The following MYO1D variants were observed in gnomAD, a reference collection of about 807,000 sequenced individuals.
The protein encoded by MYO1D is unconventional myosin-Id.
Under a neutral mutation model 122.0 loss-of-function variants are expected in MYO1D, and 83 were observed. That is an observed-to-expected ratio of 0.68 (90% CI 0.57 to 0.82). The LOEUF (loss-of-function observed/expected upper bound fraction) is 0.82, where lower values mean the gene tolerates loss of function less well. MYO1D is among the 40% of genes least tolerant of loss of function. The probability of loss-of-function intolerance (pLI) is 0.00; values close to 1 mark genes in which losing one functional copy is unlikely to be tolerated. For synonymous variants in MYO1D, 464 were observed against 446.9 expected (o/e 1.04, Z -0.48); for missense variants, 1,157 against 1,269.5 (o/e 0.91, Z 1.35).
chr17:32,670,281 G>C (rs2088696186), intron 16 of MYO1D, among the ~76,000 whole-genome samples: 2 of 152,110 alleles, frequency 1.3e-5, no homozygotes, highest in African/African-American at 4.8e-5. Flanking sequence ...TTATACTATA[G>C]TTACAGAAGA....
chr17:32,833,364 C>A (rs1317223216), intron 1 of MYO1D, among the ~76,000 whole-genome samples: 1 of 152,176 alleles, frequency 6.6e-6, no homozygotes, highest in Non-Finnish European at 1.5e-5. Context: ...CTCTTCAAAG[C>A]ATATCTAGAG....
chr17:32,864,007 C>CTT lies in MYO1D; in HGVS notation c.95+12769_95+12770dup, dbSNP rs560953120. On this transcript the variant is annotated intron_variant, in intron 1 of 21. Transcript: ENST00000318217. ...TAATTTTGGTTACAAACATTTCTTCCTTTTTTTTTTTTTTTTTTTTTTTTT... is the reference window on the plus strand; with the variant it reads ...TAATTTTGGTTACAAACATTTCTTCCTTTTTTTTTTTTTTTTTTTTTTTTTTT... 6.7e-3 allele frequency among the ~76,000 whole-genome samples: 327 copies of CTT among 48,882 alleles called. 42 individuals carry two copies. The highest frequency in any genetic ancestry group is 0.01 in the African/African-American group (97 of 9,606). The allele number at this position is 48,882 out of a possible 152,430, so 32.1% of individuals were successfully genotyped here. A position where few individuals can be genotyped will look rare whatever the true frequency, so the allele number is the denominator to read the frequency against.
intron 1 of MYO1D, among the ~76,000 whole-genome samples, chr17:32,846,625 T>C (rs928933801): frequency 7.9e-5 from 12 of 152,136 alleles, no homozygotes; most frequent in African/African-American, 2.9e-4. Flanking sequence ...ATTATCTAAG[T>C]AGACTTTGTG....
intron 21 of MYO1D, among the ~76,000 whole-genome samples, chr17:32,538,282 CTTTT>C (rs67908958): frequency 7.0e-6 from 1 of 141,976 alleles, no homozygotes. Flanking sequence ...AATAAATCAT[CTTTT>C]TTTTTTTTTT....
At chr17:32,857,078 C>T (rs889193190) in intron 1 of MYO1D, among the ~76,000 whole-genome samples, 3 of 152,196 alleles carry the variant, frequency 2.0e-5, no homozygotes, top group Admixed American at 2.0e-4. Flanking sequence ...GCAAAGCCAT[C>T]TTCTTTCTCT....
chr17:32,732,725 T>C (rs577011426), intron 14 of MYO1D, among the ~76,000 whole-genome samples: 66 of 152,210 alleles, frequency 4.3e-4, no homozygotes, highest in Non-Finnish European at 8.2e-4. Context: ...ATCCACTGAA[T>C]GGCAGGGCTA....
intron 19 of MYO1D, among the ~76,000 whole-genome samples, chr17:32,640,491 A>G (rs1319830228): frequency 1.9e-5 from 2 of 103,774 alleles, no homozygotes; most frequent in African/African-American, 7.6e-5. Context: ...CCACCCCACA[A>G]CAGTCCCCAG....
chr17:32,756,980 G>C (rs1160573742), intron 10 of MYO1D, among the ~76,000 whole-genome samples: 1 of 152,054 alleles, frequency 6.6e-6, no homozygotes, highest in Admixed American at 6.6e-5. Flanking sequence ...TCTCAAAGAG[G>C]GGCAGCTTAT....
chr17:32,591,939 T>A (rs1597915997), intron 21 of MYO1D, among the ~76,000 whole-genome samples: 2 of 152,224 alleles, frequency 1.3e-5, no homozygotes, highest in Admixed American at 6.5e-5. Flanking sequence ...GGACCCCTGA[T>A]AAAGAAAGAC....
At chr17:32,512,187 C>A (rs1223491448) in intron 21 of MYO1D, among the ~76,000 whole-genome samples, 1 of 151,982 alleles carries the variant, frequency 6.6e-6, no homozygotes, top group Non-Finnish European at 1.5e-5. Context: ...GTAATCCCAG[C>A]TACTTGGGAG....
At chr17:32,843,535 A>T (rs1003494137) in intron 1 of MYO1D, among the ~76,000 whole-genome samples, 3 of 152,212 alleles carry the variant, frequency 2.0e-5, no homozygotes, top group African/African-American at 7.2e-5. Context: ...ATCATCATGT[A>T]TTCTATCTGG....
intron 21 of MYO1D, among the ~76,000 whole-genome samples, chr17:32,508,117 G>A (rs1567870501): frequency 6.6e-6 from 1 of 151,714 alleles, no homozygotes; most frequent in Non-Finnish European, 1.5e-5. Context: ...GGCTGGTCTT[G>A]AACTCCTGAC....
chr17:32,875,886 CTTACT>C (rs1366079145), intron 1 of MYO1D, among the ~76,000 whole-genome samples: 2 of 152,210 alleles, frequency 1.3e-5, no homozygotes, highest in African/African-American at 4.8e-5. Flanking sequence ...TGAAATTCCA[CTTACT>C]TTAATGTTTA....
In MYO1D at chr17:32,605,178, T is replaced by C; in HGVS notation, c.2773A>G (p.Lys925Glu). 2 of 1,610,166 alleles carry C rather than the reference T, an allele frequency of 1.2e-6. No individual in the cohort carries two copies. Among genetic ancestry groups the C allele is most frequent in the Non-Finnish European group, 8.5e-7 (1 of 1,176,928 alleles). Residue 925 changes from lysine to glutamate, a missense_variant, in exon 21 of 22, where the codon AAA becomes GAA. Coordinates refer to ENST00000318217, the MANE Select transcript of MYO1D (RefSeq NM_015194.3). ...CTGAAGAGGCAGACAATGAGGTCTT[T>C]GTTGTCTTTCGTATGGAACACTACA... is the stretch of plus-strand genomic sequence containing the variant. ...QLVVFHTKDN[K>E]DLIVCLFSKQ... is the part of the protein sequence containing the mutation.
intron 14 of MYO1D, among the ~76,000 whole-genome samples, chr17:32,734,243 C>CT (rs199779621): frequency 2.0e-5 from 3 of 151,412 alleles, no homozygotes; most frequent in Admixed American, 6.6e-5. Context: ...ATTTTGATAA[C>CT]TTTTTTTTTC....
intron 2 of MYO1D, 51 bp from the exon 3 acceptor site, chr17:32,778,624 A>T (rs1422814171): frequency 6.9e-7 from 1 of 1,457,224 alleles, no homozygotes; most frequent in Non-Finnish European, 9.6e-7. Flanking sequence ...AACCAAGAGT[A>T]AGCTAATTTT....
chr17:32,753,094 TAA>T (rs991851994), intron 11 of MYO1D, among the ~76,000 whole-genome samples: 1 of 152,118 alleles, frequency 6.6e-6, no homozygotes, highest in African/African-American at 2.4e-5. Flanking sequence ...TATGCAGCCA[TAA>T]AAAAGAATGA....
At chr17:32,805,779 T>C (rs1444463234) in intron 1 of MYO1D, among the ~76,000 whole-genome samples, 1 of 152,164 alleles carries the variant, frequency 6.6e-6, no homozygotes, top group African/African-American at 2.4e-5. Flanking sequence ...TGCTCTTGGA[T>C]CTGAATTCTG....
intron 16 of MYO1D, among the ~76,000 whole-genome samples, chr17:32,701,186 T>C (rs981247964): frequency 2.0e-5 from 3 of 152,176 alleles, no homozygotes; most frequent in Non-Finnish European, 2.9e-5. Flanking sequence ...AGAATCTGAA[T>C]GATTTTCTAG....
Sources: allele counts gnomAD v4.1 joint callset (sites outside exome capture counted in the v4.1 genomes callset), GRCh38; gene constraint gnomAD v4.1.1; transcripts MANE v1.5; gene names NCBI Gene and HGNC (gene_info 2026-07-23, HGNC 2026-07-21).